Variants in MACROD2 observed in about 807,000 individuals in gnomAD.
MACROD2 encodes ADP-ribose glycohydrolase MACROD2.
Under a neutral mutation model 70.4 loss-of-function variants are expected in MACROD2, and 36 were observed. The ratio of observed to expected loss-of-function variants is 0.51; its 90% CI spans 0.39 to 0.68. The LOEUF is 0.68. MACROD2 is among the 30% of genes least tolerant of loss of function. MACROD2 has a pLI of 0.00. For synonymous variants in MACROD2, 172 were observed against 178.8 expected, an observed-to-expected ratio of 0.96 and a Z score of 0.30; for missense variants, 496 against 538.4, an observed-to-expected ratio of 0.92 and a Z score of 0.78.
chr20:15,037,577 TAG>T (rs2075322978), intron 5 of MACROD2, among the ~76,000 whole-genome samples: 1 of 152,188 alleles, frequency 6.6e-6, no homozygotes. Context: ...GTATTGGAGA[TAG>T]AGTCTTAAAG....
At chr20:15,800,615 G>A (rs1297252421) in intron 8 of MACROD2, among the ~76,000 whole-genome samples, 2 of 152,252 alleles carry the variant, frequency 1.3e-5, no homozygotes, top group East Asian at 1.9e-4. Context: ...GAGGTGAGGG[G>A]CGCCTCTGCC....
chr20:15,896,514 C>T lies in MACROD2; in HGVS notation c.775+10703C>T, dbSNP rs76444661. ...TGCTTCTTTAACTTGCCCAAGTCCA[C>T]GCAGTTTGTTAATGTCACAATCTTT... On this transcript the variant is annotated intron_variant, in intron 10 of 17. Coordinates refer to ENST00000684519, the MANE Select transcript of MACROD2 (RefSeq NM_001351661.2). 2.3e-3 allele frequency among the ~76,000 whole-genome samples: 337 copies of T among 149,712 alleles called. 2 individuals are homozygous for T. The highest frequency in any genetic ancestry group is 0.01 in the Middle Eastern group (3 of 286).
intron 5 of MACROD2, among the ~76,000 whole-genome samples, chr20:15,010,470 T>C (rs957725016): frequency 2.6e-5 from 4 of 152,192 alleles, no homozygotes; most frequent in Admixed American, 1.3e-4. Flanking sequence ...CTAAAACAAA[T>C]GTACAGTTCA....
intron 8 of MACROD2, among the ~76,000 whole-genome samples, chr20:15,756,613 A>G (rs1222110019): frequency 6.6e-6 from 1 of 152,162 alleles, no homozygotes; most frequent in African/African-American, 2.4e-5. Context: ...GTGGGTAGGT[A>G]AAGGAGGGAA....
intron 5 of MACROD2, among the ~76,000 whole-genome samples, chr20:14,899,542 T>C (rs1370206665): frequency 6.6e-6 from 1 of 152,184 alleles, no homozygotes; most frequent in Admixed American, 6.5e-5. Flanking sequence ...GGTCTCTTTG[T>C]ATGTGCCTCT....
chr20:14,815,163 AT>A (rs1207888522), intron 5 of MACROD2, among the ~76,000 whole-genome samples: 3 of 152,042 alleles, frequency 2.0e-5, no homozygotes, highest in African/African-American at 7.2e-5. Context: ...ACCCAATAAC[AT>A]ACTTTAAATA....
At chr20:14,862,698 TAA>T (rs1568841712) in intron 5 of MACROD2, among the ~76,000 whole-genome samples, 15 of 77,388 alleles carry the variant, frequency 1.9e-4, no homozygotes, top group East Asian at 2.8e-4. Flanking sequence ...TAAATATATA[TAA>T]ATATATATAT....
chr20:15,120,427 A>G (rs1453721825), intron 5 of MACROD2, among the ~76,000 whole-genome samples: 1 of 152,170 alleles, frequency 6.6e-6, no homozygotes, highest in Non-Finnish European at 1.5e-5. Context: ...GAACAAATAC[A>G]CAGACTCTTC....
At chr20:14,321,165 G>C (rs1318678422) in intron 3 of MACROD2, among the ~76,000 whole-genome samples, 1 of 152,096 alleles carries the variant, frequency 6.6e-6, no homozygotes, top group Non-Finnish European at 1.5e-5. Context: ...GGAAGTTGGA[G>C]ACCAGCCTGG....
intron 4 of MACROD2, among the ~76,000 whole-genome samples, chr20:14,564,225 C>T (rs900258253): frequency 6.6e-6 from 1 of 151,592 alleles, no homozygotes; most frequent in Non-Finnish European, 1.5e-5. Flanking sequence ...AATGTAAGAC[C>T]AAAACCAATA....
chr20:15,176,087 A>G (rs2327916), intron 5 of MACROD2, among the ~76,000 whole-genome samples: 21,591 of 152,214 alleles, frequency 0.14, 2,311 homozygotes, highest in African/African-American at 0.3. Flanking sequence ...GTGGCCAGGT[A>G]TGTGTATTCT....
chr20:14,717,503 G>A (rs2071410310), intron 5 of MACROD2, among the ~76,000 whole-genome samples: 1 of 150,514 alleles, frequency 6.6e-6, no homozygotes, highest in African/African-American at 2.4e-5. Flanking sequence ...CAAGTTATTA[G>A]CAGACTGCCA....
At chr20:15,636,517 G>A (rs2049371954) in intron 8 of MACROD2, among the ~76,000 whole-genome samples, 1 of 152,090 alleles carries the variant, frequency 6.6e-6, no homozygotes, top group Admixed American at 6.5e-5. Flanking sequence ...TCGGTTTCAT[G>A]TTTCAGATCC....
At chr20:14,804,205 A>AT (rs200757690) in intron 5 of MACROD2, among the ~76,000 whole-genome samples, 17 of 151,284 alleles carry the variant, frequency 1.1e-4, no homozygotes, top group South Asian at 4.2e-4. Flanking sequence ...TTTATTTTTA[A>AT]TTTTTTTTTC....
At chr20:14,102,815 G>A (rs185610736) in intron 3 of MACROD2, among the ~76,000 whole-genome samples, 80 of 152,186 alleles carry the variant, frequency 5.3e-4, no homozygotes, top group Middle Eastern at 6.8e-3. Flanking sequence ...GGAATATTTG[G>A]GGATATAGGA....
chr20:15,125,620 T>C (rs2076060803), intron 5 of MACROD2, among the ~76,000 whole-genome samples: 1 of 152,106 alleles, frequency 6.6e-6, no homozygotes, highest in Non-Finnish European at 1.5e-5. Context: ...ATTTTTACCA[T>C]ACTTTCCTCT....
intron 5 of MACROD2, among the ~76,000 whole-genome samples, chr20:15,158,849 C>T (rs777295930): frequency 3.9e-5 from 6 of 152,132 alleles, no homozygotes; most frequent in Admixed American, 2.0e-4. Context: ...AGAGCTTTGA[C>T]GTCTCAGTTA....
At chr20:16,041,444 C>T (rs1310752567) in intron 16 of MACROD2, among the ~76,000 whole-genome samples, 166 bp downstream of exon 16, 2 of 151,802 alleles carry the variant, frequency 1.3e-5, no homozygotes, top group East Asian at 3.9e-4. Context: ...AAATGGCAAC[C>T]TCTTATTTAA....
chr20:15,207,800 A>G (rs1350098314), intron 5 of MACROD2, among the ~76,000 whole-genome samples: 2 of 152,074 alleles, frequency 1.3e-5, no homozygotes, highest in Non-Finnish European at 2.9e-5. Flanking sequence ...TTTTTCTCCA[A>G]TATAGATAAG....
Sources: gnomAD v4.1 joint callset for allele counts (sites outside exome capture counted in the v4.1 genomes callset) on GRCh38, gnomAD v4.1.1 for gene constraint, MANE v1.5 for transcripts, NCBI Gene and HGNC (gene_info 2026-07-23, HGNC 2026-07-21) for gene names.